TRPA1: variants seen among roughly 807,000 people sequenced by gnomAD.
The protein encoded by TRPA1 is ankyrin-like with transmembrane domains 1.
A neutral mutation model predicts 131.3 loss-of-function variants in TRPA1; 129 were observed. The observed-to-expected ratio is 0.98, with a 90% CI of 0.85 to 1.14. TRPA1 has a LOEUF of 1.14. Among genes scored for constraint, TRPA1 ranks in the 50% most tolerant of loss-of-function variants. TRPA1 has a pLI of 0.00. For synonymous variants in TRPA1, 441 were observed against 451.7 expected, an observed-to-expected ratio of 0.98 and a Z score of 0.30; for missense variants, 1,304 against 1,354.2, an observed-to-expected ratio of 0.96 and a Z score of 0.58.
At chr8:72,026,864 A>G (rs1363430202) in intron 24 of TRPA1, among the ~76,000 whole-genome samples, 1 of 152,192 alleles carries the variant, frequency 6.6e-6, no homozygotes, top group Non-Finnish European at 1.5e-5. Context: ...ATTTATAGCC[A>G]TAAATAGTGA....
At chr8:72,034,728 G>A (rs929864625) in intron 21 of TRPA1, among the ~76,000 whole-genome samples, 4 of 152,100 alleles carry the variant, frequency 2.6e-5, no homozygotes, top group African/African-American at 7.2e-5. Flanking sequence ...CCGAGTAGCC[G>A]GGACCACAGG....
intron 24 of TRPA1, among the ~76,000 whole-genome samples, chr8:72,026,424 G>C (rs1484460679): frequency 6.6e-5 from 10 of 152,254 alleles, no homozygotes; most frequent in Non-Finnish European, 1.3e-4. Flanking sequence ...GAAAAGGGTA[G>C]TTCATACTCT....
At chr8:72,041,595 A>G (rs951309240) in intron 17 of TRPA1, among the ~76,000 whole-genome samples, 1 of 151,968 alleles carries the variant, frequency 6.6e-6, no homozygotes, top group Non-Finnish European at 1.5e-5. Flanking sequence ...AAGCTTAACA[A>G]CTCACTCTTA....
intron 2 of TRPA1, among the ~76,000 whole-genome samples, chr8:72,070,476 TTG>T (rs1179487836): frequency 6.6e-6 from 1 of 152,192 alleles, no homozygotes; most frequent in African/African-American, 2.4e-5. Context: ...ATTAAATAAC[TTG>T]AATTTGGCTT....
At position 72,050,870 on chromosome 8, in the gene TRPA1, A is replaced by G. The variant is rs748788882; in HGVS notation, c.1813T>C (p.Trp605Arg). The change falls in exon 15 of 27, where the codon TGG becomes CGG. Residue 605 changes from tryptophan (W) to arginine (R), a missense_variant and splice_region_variant. By Grantham distance (101) the Trp-to-Arg change is moderately radical. Coordinates refer to ENST00000262209, the MANE Select transcript of TRPA1 (RefSeq NM_007332.3). ...CTGAAAATCTTAAGACATTCATCCC[A>G]TCTGTAAAAAATAAATAAGTAAGAT... is the stretch of plus-strand genomic sequence containing the variant. Reference protein sequence around the residue: ...VVLTIIRSKRWDECLKIFSHN... With the variant: ...VVLTIIRSKRRDECLKIFSHN... The G allele has an allele frequency of 1.3e-6, 2 of 1,599,670 alleles. No homozygotes were observed.
chr8:72,075,767 CG>C, upstream of TRPA1: 1 of 385,896 alleles, frequency 2.6e-6, no homozygotes, highest in Non-Finnish European at 5.0e-6. Context: ...AGCGCACTGA[CG>C]GAGTCAAGCG....
chr8:72,038,899 T>A lies in TRPA1; in HGVS notation c.2261A>T (p.Glu754Val), dbSNP rs755521733. Residue 754 changes from glutamate (E) to valine (V), a missense_variant, in exon 19 of 27, where the codon GAA becomes GTA. Transcript: ENST00000262209. ...TAGTATTTCTGAATGATCACTAGTT[T>A]CATTGATGATGCCAGTTGAGTTGAA... ...MAFNSTGIIN[E>V]TSDHSEILDT... 1 of 1,612,882 alleles carries A rather than the reference T, an allele frequency of 6.2e-7. No individual in the cohort carries two copies.
chr8:72,087,976 C>T, the TRPA1 span, among the ~76,000 whole-genome samples: 1 of 152,210 alleles, frequency 6.6e-6, no homozygotes, highest in Non-Finnish European at 1.5e-5. Context: ...CTTCCTGGAG[C>T]ATTGCTCTGC....
the TRPA1 span, among the ~76,000 whole-genome samples, chr8:72,084,201 T>G: frequency 1.3e-5 from 2 of 152,212 alleles, no homozygotes; most frequent in African/African-American, 4.8e-5. Flanking sequence ...GCTCAGCATT[T>G]GACTGTATTT....
upstream of TRPA1, among the ~76,000 whole-genome samples, chr8:72,078,313 T>C (rs1488143728): frequency 1.3e-5 from 2 of 152,162 alleles, no homozygotes; most frequent in African/African-American, 4.8e-5. Context: ...AGTAAATTTA[T>C]ACAAGTATAC....
intron 22 of TRPA1, 151 bp downstream of exon 22, chr8:72,034,097 C>T (rs576685985): frequency 2.0e-4 from 189 of 959,978 alleles, no homozygotes; most frequent in Middle Eastern, 1.3e-3. Flanking sequence ...CTGCAATAAA[C>T]GTCATTTGAA....
chr8:72,043,033 A>G (rs1207744902), intron 17 of TRPA1, among the ~76,000 whole-genome samples: 12 of 151,932 alleles, frequency 7.9e-5, no homozygotes, highest in African/African-American at 2.9e-4. Context: ...ATTTAAAAAG[A>G]GTTAAGACAG....
rs1390432587 is a variant in TRPA1, at chr8:72,057,805, A to G, written c.1005T>C (p.Ile335=). 3 of 1,612,890 alleles carry G rather than the reference A, an allele frequency of 1.9e-6. No individual in the cohort carries two copies. The East Asian group carries it at 6.7e-5, about 36-fold the overall frequency. ...AGCGTCCTTCAGAATCGATCTTATT[A>G]ATATCTGCTCCCTAAAAATCAAACA... The part of the protein sequence containing the change: ...ADYLISVGAD[I]NKIDSEGRSP... Residue 335 remains isoleucine (I), a synonymous_variant, in exon 9 of 27, where the codon ATT becomes ATC. Coordinates refer to ENST00000262209, the MANE Select transcript of TRPA1 (RefSeq NM_007332.3).
intron 6 of TRPA1, chr8:72,062,331 ACT>A (rs1435590209): frequency 3.9e-5 from 7 of 179,784 alleles, no homozygotes; most frequent in Non-Finnish European, 8.2e-5. Flanking sequence ...AAGGGCCAGA[ACT>A]CTCCACTTTT....
At chr8:72,077,019 C>T (rs1275766448), upstream of TRPA1, among the ~76,000 whole-genome samples, 7 of 152,136 alleles carry the variant, frequency 4.6e-5, no homozygotes, top group Admixed American at 4.6e-4. Context: ...TCTCATTGAG[C>T]CATTGCTGCC....
At chr8:72,059,330 T>C in intron 8 of TRPA1, 60 bp downstream of exon 8, 1 of 1,129,220 alleles carries the variant, frequency 8.9e-7, no homozygotes, top group Admixed American at 2.2e-5. Context: ...TATTATGTAA[T>C]TATACGATTT....
rs73687855 is a variant in TRPA1 at position 72,060,217 on chromosome 8, T to A, written c.945-779A>T. 4.5e-3 allele frequency: 685 copies of A among 151,888 alleles called. 7 individuals carry two copies. The highest frequency in any genetic ancestry group is 0.015 in the African/African-American group (640 of 41,456). The allele number at this position is 151,888 out of a possible 1,614,324, so 9.4% of individuals were successfully genotyped here. On this transcript the variant is annotated intron_variant, in intron 7 of 26. Coordinates refer to ENST00000262209, the MANE Select transcript of TRPA1 (RefSeq NM_007332.3). Reference sequence around the variant, plus strand: ...ATTTTCCTAAGATAATTTCTCATTATGCATATTAATATATTAAGGCTGTGT... The same window carrying A: ...ATTTTCCTAAGATAATTTCTCATTAAGCATATTAATATATTAAGGCTGTGT...
At chr8:72,047,124 A>G in intron 16 of TRPA1, 24 bp downstream of exon 16, 1 of 1,532,030 alleles carries the variant, frequency 6.5e-7, no homozygotes, top group South Asian at 1.1e-5. Flanking sequence ...TAAATTTCAG[A>G]TAATGATGAT....
chr8:72,031,501 C>A (rs1692051277), intron 23 of TRPA1, among the ~76,000 whole-genome samples: 1 of 151,658 alleles, frequency 6.6e-6, no homozygotes, highest in South Asian at 2.1e-4. Flanking sequence ...TCAGCTGAGA[C>A]TGGGAAGTGG....
Sources: gnomAD v4.1 joint callset for allele counts (sites outside exome capture counted in the v4.1 genomes callset) on GRCh38, gnomAD v4.1.1 for gene constraint, MANE v1.5 for transcripts, NCBI Gene and HGNC (gene_info 2026-07-23, HGNC 2026-07-21) for gene names.